CNTNAP2: variants seen among roughly 807,000 people sequenced by gnomAD.
CNTNAP2 encodes the protein contactin associated protein 2.
A neutral mutation model predicts 155.2 loss-of-function variants in CNTNAP2; 98 were observed. That is an observed-to-expected ratio of 0.63 (90% CI 0.54 to 0.75). The LOEUF (loss-of-function observed/expected upper bound fraction) is 0.75, where lower values mean the gene tolerates loss of function less well. CNTNAP2 is among the 30% of genes least tolerant of loss of function. CNTNAP2 has a pLI of 0.00. For missense variants in CNTNAP2, 1,727 were observed against 1,688.1 expected (o/e 1.02, Z -0.40); for synonymous variants, 651 against 631.2 (o/e 1.03, Z -0.47).
At chr7:148,096,431 A>G (rs1214239268) in intron 15 of CNTNAP2, among the ~76,000 whole-genome samples, 1 of 152,296 alleles carries the variant, frequency 6.6e-6, no homozygotes, top group East Asian at 1.9e-4. Context: ...ATGAAATCAT[A>G]GAAATTTCAT....
intron 13 of CNTNAP2, among the ~76,000 whole-genome samples, chr7:147,786,926 G>A (rs917129308): frequency 2.6e-5 from 4 of 151,982 alleles, no homozygotes; most frequent in Non-Finnish European, 4.4e-5. Flanking sequence ...CTATGATCAT[G>A]CCACTGAACT....
chr7:146,411,844 TTA>T (rs1491211980), intron 1 of CNTNAP2, among the ~76,000 whole-genome samples: 6 of 124,740 alleles, frequency 4.8e-5, no homozygotes, highest in African/African-American at 2.1e-4. Flanking sequence ...ATTTATTTAT[TTA>T]TTTTATTTGA....
intron 1 of CNTNAP2, among the ~76,000 whole-genome samples, chr7:146,670,096 A>G (rs1585034474): frequency 6.6e-6 from 1 of 152,198 alleles, no homozygotes. Flanking sequence ...GTATTTGTTC[A>G]GTGTAGTTTT....
intron 2 of CNTNAP2, among the ~76,000 whole-genome samples, chr7:146,817,323 A>C (rs577897513): frequency 6.6e-6 from 1 of 151,942 alleles, no homozygotes; most frequent in East Asian, 1.9e-4. Flanking sequence ...AAAACAAAAA[A>C]TTAGCCAGGT....
intron 15 of CNTNAP2, among the ~76,000 whole-genome samples, chr7:147,987,848 C>T (rs1801645405): frequency 6.6e-6 from 1 of 152,064 alleles, no homozygotes; most frequent in Admixed American, 6.6e-5. Context: ...GTACATGCCA[C>T]CACACCCCGC....
At chr7:146,653,152 G>A (rs1414370897) in intron 1 of CNTNAP2, among the ~76,000 whole-genome samples, 1 of 152,056 alleles carries the variant, frequency 6.6e-6, no homozygotes, top group African/African-American at 2.4e-5. Context: ...TAAAGAGTCT[G>A]CTTCTATTTT....
At chr7:146,890,611 T>G (rs1585141160) in intron 3 of CNTNAP2, among the ~76,000 whole-genome samples, 1 of 152,334 alleles carries the variant, frequency 6.6e-6, no homozygotes, top group East Asian at 1.9e-4. Flanking sequence ...CATCATCATT[T>G]TTGATGATCA....
At chr7:148,204,314 A>G (rs937836626) in intron 18 of CNTNAP2, among the ~76,000 whole-genome samples, 3 of 152,376 alleles carry the variant, frequency 2.0e-5, no homozygotes, top group Middle Eastern at 3.4e-3. Flanking sequence ...CTTAATTAAT[A>G]TATGAAATAA....
intron 2 of CNTNAP2, among the ~76,000 whole-genome samples, chr7:146,829,525 T>A (rs1803470473): frequency 6.6e-6 from 1 of 152,128 alleles, no homozygotes; most frequent in East Asian, 1.9e-4. Context: ...GATTAGGCTA[T>A]GAACAGACAA....
intron 11 of CNTNAP2, among the ~76,000 whole-genome samples, chr7:147,502,463 G>T (rs1341290338): frequency 6.6e-6 from 1 of 152,100 alleles, no homozygotes; most frequent in African/African-American, 2.4e-5. Context: ...CACAGAAACA[G>T]GGAGTAAAAT....
intron 12 of CNTNAP2, among the ~76,000 whole-genome samples, chr7:147,617,672 C>G (rs1035651718): frequency 6.6e-6 from 1 of 152,074 alleles, no homozygotes; most frequent in Non-Finnish European, 1.5e-5. Context: ...AAAAACAGCA[C>G]GCAACCCAGA....
intron 9 of CNTNAP2, among the ~76,000 whole-genome samples, chr7:147,379,698 A>G (rs1160417926): frequency 6.6e-6 from 1 of 151,912 alleles, no homozygotes; most frequent in Non-Finnish European, 1.5e-5. Flanking sequence ...TGACTAGTTA[A>G]TTTTTCTCCA....
chr7:146,398,488 A>C (rs923904024), intron 1 of CNTNAP2, among the ~76,000 whole-genome samples: 1 of 152,046 alleles, frequency 6.6e-6, no homozygotes, highest in African/African-American at 2.4e-5. Context: ...CTCCCACAAC[A>C]TGTGGAGATT....
At chr7:146,997,438 T>C (rs1411141123) in intron 3 of CNTNAP2, among the ~76,000 whole-genome samples, 6 of 152,148 alleles carry the variant, frequency 3.9e-5, no homozygotes, top group African/African-American at 1.4e-4. Flanking sequence ...TCACAATGAA[T>C]GATGTTTTCC....
intron 18 of CNTNAP2, among the ~76,000 whole-genome samples, chr7:148,189,224 A>G (rs1309427537): frequency 6.6e-6 from 1 of 152,198 alleles, no homozygotes; most frequent in Non-Finnish European, 1.5e-5. Flanking sequence ...TAAAATGGTA[A>G]CCTATTTGCC....
chr7:147,047,384 G>A (rs1019340553), intron 4 of CNTNAP2, among the ~76,000 whole-genome samples: 3 of 149,958 alleles, frequency 2.0e-5, no homozygotes, highest in Non-Finnish European at 3.0e-5. Context: ...GCTTGTTTCT[G>A]ATTTTTGAAA....
At chr7:147,431,195 A>G (rs527929027) in intron 10 of CNTNAP2, among the ~76,000 whole-genome samples, 2 of 152,262 alleles carry the variant, frequency 1.3e-5, no homozygotes, top group African/African-American at 4.8e-5. Flanking sequence ...AATGTCAACC[A>G]CTTCTCATTT....
intron 8 of CNTNAP2, among the ~76,000 whole-genome samples, chr7:147,140,634 A>G (rs781430257): frequency 7.2e-5 from 11 of 152,008 alleles, no homozygotes; most frequent in Non-Finnish European, 1.3e-4. Context: ...AATCTAACAT[A>G]TAGTGGATTG....
At chr7:148,336,550 G>GAAAAAGAAAAAA (rs1554420463) in intron 21 of CNTNAP2, among the ~76,000 whole-genome samples, 2 of 73,154 alleles carry the variant, frequency 2.7e-5, no homozygotes, top group Admixed American at 1.2e-4. Flanking sequence ...TGATGAAAAA[G>GAAAAAGAAAAAA]AAAAAAAAAA....
Sources: gnomAD v4.1 joint callset for allele counts (sites outside exome capture counted in the v4.1 genomes callset) on GRCh38, gnomAD v4.1.1 for gene constraint, MANE v1.5 for transcripts, NCBI Gene and HGNC (gene_info 2026-07-23, HGNC 2026-07-21) for gene names.